Variants in STRA6 observed in about 807,000 individuals in gnomAD.
STRA6 encodes signaling receptor and transporter of retinol STRA6, also known as receptor for retinol uptake STRA6.
Under a neutral mutation model 83.6 loss-of-function variants are expected in STRA6, and 48 were observed. The ratio of observed to expected loss-of-function variants is 0.57; its 90% confidence interval spans 0.46 to 0.73. STRA6 has a LOEUF of 0.73. STRA6 is among the 30% of genes least tolerant of loss of function. STRA6 has a pLI of 0.00. For synonymous variants in STRA6, 353 were observed against 362.3 expected (o/e 0.97, Z 0.29); for missense variants, 760 against 838.8 (o/e 0.91, Z 1.16).
rs769004682 is a variant in STRA6 at position 74,196,108 on chromosome 15, C to T, written c.306G>A (p.Val102=). Reference sequence around the variant, plus strand: ...GGAGGACCATGAAAACAGCAGCAGGCACTGCCCGGGGCCTGTCCCCAGCCA... The same window carrying T: ...GGAGGACCATGAAAACAGCAGCAGGTACTGCCCGGGGCCTGTCCCCAGCCA... ...DFLAGDRPRA[V]PAAVFMVLLS... Residue 102 remains valine (V), a synonymous_variant, in exon 5 of 19, where the codon GTG becomes GTA. Transcript: ENST00000395105. The T allele has an allele frequency of 3.7e-6, 6 of 1,614,010 alleles. No individual in the cohort carries two copies. In the South Asian group the frequency reaches 5.5e-5, roughly 15 times the overall value.
intron 9 of STRA6, 87 bp downstream of exon 9, chr15:74,191,337 T>G (rs1211321727): frequency 3.1e-6 from 5 of 1,607,198 alleles, no homozygotes; most frequent in Non-Finnish European, 4.3e-6. Flanking sequence ...CCTCTGCCCC[T>G]GCCATGCTGC....
At position 74,191,450 on chromosome 15, in the gene STRA6, G is replaced by A; in HGVS notation, c.762C>T (p.Leu254=). The A allele has an allele frequency of 6.2e-7, 1 of 1,614,174 alleles. No individual in the cohort carries two copies. Among genetic ancestry groups the A allele is most frequent in the Non-Finnish European group, 8.5e-7 (1 of 1,180,030 alleles). ...SSYSEEYLRN[L]LCRKKLGSSY... is the part of the protein sequence containing the mutation. ...TGCTTCCCAGCTTCTTCCTGCAAAGGAGGTTCCTCAGATATTCCTCAGAGT... is the reference window on the plus strand; with the variant it reads ...TGCTTCCCAGCTTCTTCCTGCAAAGAAGGTTCCTCAGATATTCCTCAGAGT... Residue 254 remains leucine (L), a synonymous_variant, in exon 9 of 19, where the codon CTC becomes CTT. Coordinates refer to ENST00000395105, the MANE Select transcript of STRA6 (RefSeq NM_022369.4).
At chr15:74,207,689 G>A, upstream of STRA6, 2 of 1,535,512 alleles carry the variant, frequency 1.3e-6, no homozygotes, top group Non-Finnish European at 1.7e-6. Flanking sequence ...GATGGCCACT[G>A]TGCCCACCTG....
chr15:74,180,510 C>A (rs2072921872), intron 18 of STRA6, among the ~76,000 whole-genome samples: 3 of 152,148 alleles, frequency 2.0e-5, no homozygotes, highest in African/African-American at 7.2e-5. Context: ...ACTCCCTGCC[C>A]CAAGGGAGAA....
rs529428199 is a variant in STRA6, at chr15:74,188,603, C to T, written c.1090+512G>A. 1.3e-5 allele frequency among the ~76,000 whole-genome samples: 2 copies of T among 152,294 alleles called. No homozygotes were observed. Among genetic ancestry groups the T allele is most frequent in the South Asian group, 2.1e-4 (1 of 4,822 alleles). On this transcript the variant is annotated intron_variant, in intron 12 of 18. Coordinates refer to ENST00000395105, the MANE Select transcript of STRA6 (RefSeq NM_022369.4). This position sits in a 1 kb window ranked among gnomAD's most constrained non-coding sequence, Gnocchi z 4.5. ...GGTGGCTGCAGGAGGCATCAGACCA[C>T]AGAAGGGGAAGCCAAGATGGTTCCC...
rs1244374774 is a variant in STRA6 at position 74,181,541 on chromosome 15, C to G, written c.1521-83G>C. ...CAGTGTCAGACCTGGATGCCCAGAA[C>G]TGCTGTGTATTTACTGAGTGCCTAC... On this transcript the variant is annotated intron_variant, in intron 16 of 18. Coordinates refer to ENST00000395105, the MANE Select transcript of STRA6 (RefSeq NM_022369.4). 4 of 1,549,560 alleles carry G rather than the reference C, an allele frequency of 2.6e-6. No homozygotes were observed. The East Asian group carries it at 9.5e-5, about 37-fold the overall frequency.
At chr15:74,189,064 C>T in intron 12 of STRA6, 51 bp downstream of exon 12, 1 of 1,608,444 alleles carries the variant, frequency 6.2e-7, no homozygotes, top group Non-Finnish European at 8.5e-7. Flanking sequence ...CCTTGGGTCT[C>T]CCCGCTTTCA....
intron 12 of STRA6, among the ~76,000 whole-genome samples, chr15:74,186,425 T>C (rs1019580709): frequency 1.3e-5 from 2 of 152,202 alleles, no homozygotes; most frequent in East Asian, 1.9e-4. Flanking sequence ...CTGACCAATA[T>C]GGTGAAACTC....
At chr15:74,193,176 A>G (rs1296740950) in intron 8 of STRA6, among the ~76,000 whole-genome samples, 1 of 152,204 alleles carries the variant, frequency 6.6e-6, no homozygotes, top group East Asian at 1.9e-4. Context: ...GTATCTATTA[A>G]GGGCCAAGAC....
Position 74,180,250 on chromosome 15 carries a change from G to C in STRA6, c.1841-7C>G, listed in dbSNP as rs1364232073. On this transcript the variant is annotated splice_polypyrimidine_tract_variant and splice_region_variant and intron_variant, in intron 18 of 18. Transcript: ENST00000395105. ...GTCTGTAGCAGCTGCATCCCTGAGA[G>C]AGACGGACTTTCTGTGAGTCACTCA... The C allele has an allele frequency of 1.9e-6, 3 of 1,613,958 alleles. No individual in the cohort carries two copies. The highest frequency in any genetic ancestry group is 3.3e-5 in the Admixed American group (2 of 60,010).
intron 8 of STRA6, among the ~76,000 whole-genome samples, chr15:74,192,829 AAAG>A (rs1334724198): frequency 2.6e-5 from 4 of 152,158 alleles, no homozygotes; most frequent in Admixed American, 6.5e-5. Context: ...CTCTCACCAG[AAAG>A]AAGTAGTGGA....
chr15:74,202,633 C>A, intron 1 of STRA6, 80 bp downstream of exon 1: 2 of 1,430,474 alleles, frequency 1.4e-6, no homozygotes, highest in African/African-American at 1.4e-5. Flanking sequence ...TCAAAGAAGG[C>A]TTGTCCAGTC....
upstream of STRA6, among the ~76,000 whole-genome samples, chr15:74,205,934 G>C (rs564692521): frequency 1.5e-4 from 23 of 152,364 alleles, no homozygotes; most frequent in Admixed American, 3.3e-4. Flanking sequence ...TAGCTGGAAG[G>C]TCCAGAGGTA....
In STRA6 at chr15:74,191,154, C is replaced by T. The variant is rs371111991; in HGVS notation, c.865+13G>A. ...TCCCCTGTCACGCTCGGCCTCAGCT[C>T]CCAACCCCATACCTGGCTGTGGAGT... On this transcript the variant is annotated intron_variant, in intron 10 of 18. Coordinates refer to ENST00000395105, the MANE Select transcript of STRA6 (RefSeq NM_022369.4). 3 of 1,613,718 alleles carry T rather than the reference C, an allele frequency of 1.9e-6. No homozygotes were observed. In the African/African-American group the frequency reaches 4.0e-5, roughly 22 times the overall value.
chr15:74,182,555 C>T (rs941104351), intron 14 of STRA6, 95 bp from the exon 15 acceptor site: 5 of 1,043,050 alleles, frequency 4.8e-6, no homozygotes, highest in Non-Finnish European at 7.2e-6. Flanking sequence ...TGGGATTGGG[C>T]AGGCCTGGTT....
upstream of STRA6, among the ~76,000 whole-genome samples, chr15:74,211,180 CA>C (rs1567205336): frequency 8.6e-4 from 115 of 133,594 alleles, 1 homozygote; most frequent in African/African-American, 3.0e-3. Flanking sequence ...CACACACACA[CA>C]CCTCACTGCT....
upstream of STRA6, chr15:74,209,266 C>CA: frequency 8.1e-7 from 1 of 1,238,808 alleles, no homozygotes; most frequent in East Asian, 2.5e-5. Flanking sequence ...CCTTGGCCCT[C>CA]AGAGTCACCT....
At chr15:74,202,559 C>A in intron 1 of STRA6, 154 bp downstream of exon 1, 1 of 1,469,816 alleles carries the variant, frequency 6.8e-7, no homozygotes, top group South Asian at 1.4e-5. Flanking sequence ...CTTGGGGCCC[C>A]GGGGCTCCCG....
chr15:74,191,661 CCCT>C (rs938179244), intron 8 of STRA6, 170 bp from the exon 9 acceptor site: 31 of 663,146 alleles, frequency 4.7e-5, no homozygotes, highest in African/African-American at 3.8e-4. Context: ...GAGGTCCGTG[CCCT>C]CCAAAGCTTC....
Sources: gnomAD v4.1 joint callset for allele counts (sites outside exome capture counted in the v4.1 genomes callset) on GRCh38, gnomAD v4.1.1 for gene constraint, Gnocchi (gnomAD v3.1) non-coding constraint, MANE v1.5 for transcripts, NCBI Gene and HGNC (gene_info 2026-07-23, HGNC 2026-07-21) for gene names.